The following TAFA5 variants were observed in gnomAD, a reference collection of about 807,000 sequenced individuals.
TAFA5 encodes the protein chemokine-like protein TAFA-5.
Under a neutral mutation model 15.3 loss-of-function variants are expected in TAFA5, and 6 were observed. The ratio of observed to expected loss-of-function variants is 0.39; its 90% CI spans 0.21 to 0.77. TAFA5 has a LOEUF of 0.77. TAFA5 is among the 30% of genes least tolerant of loss of function. The pLI is 0.41. For missense variants in TAFA5, 161 were observed against 193.1 expected, an observed-to-expected ratio of 0.83 and a Z score of 0.98; for synonymous variants, 103 against 80.7, an observed-to-expected ratio of 1.28 and a Z score of -1.48.
intron 2 of TAFA5, among the ~76,000 whole-genome samples, chr22:48,704,468 C>T (rs1743363757): frequency 2.0e-5 from 3 of 152,156 alleles, no homozygotes; most frequent in African/African-American, 4.8e-5. Flanking sequence ...AGACGCATGA[C>T]AGATTCCGGC....
chr22:48,603,044 C>T (rs943721753), intron 1 of TAFA5, among the ~76,000 whole-genome samples: 1 of 152,244 alleles, frequency 6.6e-6, no homozygotes, highest in Non-Finnish European at 1.5e-5. Context: ...TCCCCATTCT[C>T]ACAATGGCTC....
chr22:48,734,288 T>C (rs952675944), intron 3 of TAFA5, among the ~76,000 whole-genome samples: 3 of 152,220 alleles, frequency 2.0e-5, no homozygotes, highest in South Asian at 2.1e-4. Flanking sequence ...GACGCTGACA[T>C]GGGGAGTGGA....
chr22:48,496,731 G>C (rs915661375), intron 1 of TAFA5, among the ~76,000 whole-genome samples: 1 of 152,190 alleles, frequency 6.6e-6, no homozygotes, highest in Non-Finnish European at 1.5e-5. Context: ...AGGGAGAGTT[G>C]TGAAGGGCAG....
At chr22:48,671,904 A>G (rs1003632183) in intron 2 of TAFA5, among the ~76,000 whole-genome samples, 1 of 152,156 alleles carries the variant, frequency 6.6e-6, no homozygotes, top group African/African-American at 2.4e-5. Flanking sequence ...AGTGGGGAGT[A>G]AGCCCGGGCT....
chr22:48,600,750 T>G (rs988389207), intron 1 of TAFA5, among the ~76,000 whole-genome samples: 1 of 152,218 alleles, frequency 6.6e-6, no homozygotes, highest in Admixed American at 6.5e-5. Context: ...GTGTCCCCCA[T>G]GGTCCCACGC....
Position 48,576,509 on chromosome 22 carries a change from T to C in TAFA5, c.113-70088T>C, listed in dbSNP as rs202051146. On this transcript the variant is annotated intron_variant, in intron 1 of 3. Transcript: ENST00000402357. Reference sequence around the variant, plus strand: ...CAGCTCCTGAAGGCGCTCTGGGCACTGGCAGGGGCCGCGCTCTGCTGCTTC... The same window carrying C: ...CAGCTCCTGAAGGCGCTCTGGGCACCGGCAGGGGCCGCGCTCTGCTGCTTC... 2.1e-4 allele frequency: 318 copies of C among 1,505,038 alleles called. 2 individuals are homozygous for C. In the Middle Eastern group the frequency reaches 7.1e-3, roughly 34 times the overall value. 93.2% of individuals were successfully genotyped at this position (1,505,038 alleles called of 1,614,324 possible).
chr22:48,707,323 G>A (rs130144), intron 2 of TAFA5, among the ~76,000 whole-genome samples: 99,877 of 151,906 alleles, frequency 0.66, 33,373 homozygotes, highest in Non-Finnish European at 0.72. Flanking sequence ...GGCTGCCCTC[G>A]CTGTATCTGA....
At chr22:48,654,183 G>C (rs1927154420) in intron 2 of TAFA5, among the ~76,000 whole-genome samples, 1 of 152,112 alleles carries the variant, frequency 6.6e-6, no homozygotes, top group Non-Finnish European at 1.5e-5. Context: ...CTCTTTCCCA[G>C]GGCTGTGGAC....
chr22:48,706,546 T>C (rs1397624414), intron 2 of TAFA5, among the ~76,000 whole-genome samples: 2 of 152,232 alleles, frequency 1.3e-5, no homozygotes, highest in Non-Finnish European at 2.9e-5. Context: ...CAAACTTCTT[T>C]TTCATGTAAG....
At chr22:48,704,619 C>T (rs771642251) in intron 2 of TAFA5, among the ~76,000 whole-genome samples, 21 of 151,570 alleles carry the variant, frequency 1.4e-4, no homozygotes, top group African/African-American at 1.9e-4. Flanking sequence ...CCTGGGAAGC[C>T]GGGGGGTTCC....
chr22:48,562,036 G>A (rs951634743), intron 1 of TAFA5, among the ~76,000 whole-genome samples: 2 of 152,178 alleles, frequency 1.3e-5, no homozygotes, highest in Admixed American at 6.5e-5. Context: ...CCTGGCAGGC[G>A]GTGGTGTGGA....
intron 1 of TAFA5, among the ~76,000 whole-genome samples, chr22:48,527,706 C>T (rs1340573860): frequency 6.6e-6 from 1 of 152,202 alleles, no homozygotes; most frequent in African/African-American, 2.4e-5. Flanking sequence ...CAGGAGGATC[C>T]GGGGCTCTGT....
chr22:48,689,821 G>T (rs1928481796), intron 2 of TAFA5, among the ~76,000 whole-genome samples: 1 of 152,170 alleles, frequency 6.6e-6, no homozygotes, highest in South Asian at 2.1e-4. Flanking sequence ...GGCCTTCCTT[G>T]CACCACCCTC....
At chr22:48,534,845 C>T (rs1019797680) in intron 1 of TAFA5, among the ~76,000 whole-genome samples, 2 of 152,042 alleles carry the variant, frequency 1.3e-5, no homozygotes, top group Admixed American at 6.5e-5. Context: ...CTGCGCTCAG[C>T]GACTGTGGAG....
chr22:48,501,187 C>T (rs1440140963), intron 1 of TAFA5, among the ~76,000 whole-genome samples: 4 of 152,194 alleles, frequency 2.6e-5, no homozygotes, highest in Non-Finnish European at 5.9e-5. Flanking sequence ...AAGACTGGCT[C>T]GTGCTCCAAA....
chr22:48,725,492 A>T (rs1929688498), intron 3 of TAFA5, among the ~76,000 whole-genome samples: 1 of 152,164 alleles, frequency 6.6e-6, no homozygotes, highest in African/African-American at 2.4e-5. Context: ...TGTCACAGAG[A>T]TGGACTGCAT....
chr22:48,568,723 A>G (rs1242810164), intron 1 of TAFA5, among the ~76,000 whole-genome samples: 3 of 152,134 alleles, frequency 2.0e-5, no homozygotes, highest in Non-Finnish European at 4.4e-5. Context: ...CGGTGGCTGG[A>G]GCTGTGACCA....
At chr22:48,506,227 C>G in intron 1 of TAFA5, among the ~76,000 whole-genome samples, 1 of 152,216 alleles carries the variant, frequency 6.6e-6, no homozygotes, top group East Asian at 1.9e-4. Context: ...ATGACTTGAC[C>G]TTGCATGGAG....
chr22:48,687,755 C>T (rs1266078208), intron 2 of TAFA5, among the ~76,000 whole-genome samples: 1 of 152,140 alleles, frequency 6.6e-6, no homozygotes, highest in African/African-American at 2.4e-5. Context: ...GGTCACCTCC[C>T]TAAGTGCCCC....
Sources: allele counts gnomAD v4.1 joint callset (sites outside exome capture counted in the v4.1 genomes callset), GRCh38; gene constraint gnomAD v4.1.1; transcripts MANE v1.5; gene names NCBI Gene and HGNC (gene_info 2026-07-23, HGNC 2026-07-21).